PIK3C2G: variants seen among roughly 807,000 people sequenced by gnomAD.
PIK3C2G encodes phosphatidylinositol-4-phosphate 3-kinase catalytic subunit type 2 gamma, also known as phosphatidylinositol 3-kinase C2 domain-containing subunit gamma.
In PIK3C2G, 168 loss-of-function variants were observed where a neutral mutation model predicts 181.1. The ratio of observed to expected loss-of-function variants is 0.93; its 90% CI spans 0.82 to 1.05. The LOEUF is 1.05. Among genes scored for constraint, PIK3C2G ranks in the 50% least tolerant of loss-of-function variants. The pLI is 0.00. For missense variants in PIK3C2G, 1,869 were observed against 1,732.8 expected (o/e 1.08, Z -1.40); for synonymous variants, 573 against 592.2 (o/e 0.97, Z 0.47).
chr12:18,354,886 T>C (rs1042890408), intron 11 of PIK3C2G, among the ~76,000 whole-genome samples: 12 of 152,204 alleles, frequency 7.9e-5, no homozygotes, highest in African/African-American at 2.7e-4. Flanking sequence ...CCCCTTTCTC[T>C]TCTGTCTTCT....
chr12:18,325,088 T>A lies in PIK3C2G; in HGVS notation c.1262T>A (p.Leu421Ter), dbSNP rs1237824574. Residue 421 changes from leucine to a stop codon, truncating the protein, a stop_gained, in exon 8 of 33, where the codon TTG (leucine) becomes TAG (stop). Coordinates refer to ENST00000538779, the MANE Select transcript of PIK3C2G (RefSeq NM_001288772.2). LOFTEE classifies it high-confidence loss of function. ...RKYDFHLKYL[L>*]KTQENVYNII... The stretch of plus-strand genomic sequence containing the variant: ...TATGACTTCCACCTGAAATACCTAT[T>A]GAAAACCCAGGTATTGACTTTTGTT... 3.9e-6 allele frequency: 6 copies of A among 1,548,944 alleles called. No individual in the cohort carries two copies. Among genetic ancestry groups the A allele is most frequent in the Non-Finnish European group, 5.3e-6 (6 of 1,123,806 alleles).
intron 6 of PIK3C2G, among the ~76,000 whole-genome samples, chr12:18,314,875 G>A (rs1950794693): frequency 6.6e-6 from 1 of 152,094 alleles, no homozygotes; most frequent in Non-Finnish European, 1.5e-5. Context: ...CTTAAATTAG[G>A]ACAGATAAAC....
At chr12:18,297,877 C>T (rs1186721785) in intron 5 of PIK3C2G, among the ~76,000 whole-genome samples, 2 of 151,910 alleles carry the variant, frequency 1.3e-5, no homozygotes, top group Non-Finnish European at 2.9e-5. Context: ...AATAATTGAA[C>T]AGTATTCCAT....
intron 31 of PIK3C2G, among the ~76,000 whole-genome samples, chr12:18,639,097 C>T (rs932941695): frequency 6.6e-6 from 1 of 151,984 alleles, no homozygotes; most frequent in African/African-American, 2.4e-5. Flanking sequence ...ACCTTGAGCT[C>T]CAATAAAGTA....
At chr12:18,722,222 C>G in the PIK3C2G span, among the ~76,000 whole-genome samples, 1 of 134,050 alleles carries the variant, frequency 7.5e-6, no homozygotes, top group African/African-American at 2.7e-5. Flanking sequence ...CACCTTCTTG[C>G]TCTATGTTTC....
intron 8 of PIK3C2G, among the ~76,000 whole-genome samples, chr12:18,331,212 T>C (rs1937928654): frequency 6.6e-6 from 1 of 152,128 alleles, no homozygotes; most frequent in South Asian, 2.1e-4. Context: ...ATTTGGCTAT[T>C]CTAAGTACTT....
At chr12:18,635,185 C>T (rs73070280) in intron 31 of PIK3C2G, among the ~76,000 whole-genome samples, 5,532 of 152,290 alleles carry the variant, frequency 0.036, 103 homozygotes, top group Middle Eastern at 0.061. Flanking sequence ...CAGAACTATC[C>T]GTAAACCAGG....
At chr12:18,644,706 A>G (rs1374050776) in intron 32 of PIK3C2G, among the ~76,000 whole-genome samples, 1 of 152,154 alleles carries the variant, frequency 6.6e-6, no homozygotes, top group Non-Finnish European at 1.5e-5. Context: ...AGGTTACACA[A>G]CTAGATGTCA....
intron 18 of PIK3C2G, among the ~76,000 whole-genome samples, chr12:18,442,916 G>A (rs1946825562): frequency 6.6e-6 from 1 of 151,142 alleles, no homozygotes; most frequent in Non-Finnish European, 1.5e-5. Context: ...TTGTGGCCCA[G>A]GCTGGAGTGC....
chr12:18,375,739 C>T (rs1179309635), intron 13 of PIK3C2G, among the ~76,000 whole-genome samples: 1 of 152,204 alleles, frequency 6.6e-6, no homozygotes, highest in Non-Finnish European at 1.5e-5. Context: ...GACCTGAGGC[C>T]TAGGAGGAAA....
chr12:18,304,120 C>T (rs945641522), intron 5 of PIK3C2G, among the ~76,000 whole-genome samples: 8 of 151,994 alleles, frequency 5.3e-5, no homozygotes, highest in Non-Finnish European at 8.8e-5. Context: ...CTAGTAGAGA[C>T]GATGCATTCC....
chr12:18,252,266 T>C (rs141795799), intron 1 of PIK3C2G, among the ~76,000 whole-genome samples: 1 of 152,318 alleles, frequency 6.6e-6, no homozygotes, highest in East Asian at 1.9e-4. Flanking sequence ...TCTCTCACCC[T>C]GCTGTAATCA....
chr12:18,273,995 A>G (rs1700906450), intron 1 of PIK3C2G, among the ~76,000 whole-genome samples: 1 of 152,210 alleles, frequency 6.6e-6, no homozygotes, highest in African/African-American at 2.4e-5. Flanking sequence ...GGTGAAGGAT[A>G]TGAACAGACA....
chr12:18,420,885 C>A lies in PIK3C2G; in HGVS notation c.2316-56C>A, dbSNP rs1481130592. On this transcript the variant is annotated intron_variant, in intron 16 of 32. Transcript: ENST00000538779. The stretch of plus-strand genomic sequence containing the variant: ...TCATTCTCTGTTCTCCCTGACATGT[C>A]TTATGCATTATTCCTTACCATTAAC... 3.4e-6 allele frequency: 3 copies of A among 889,378 alleles called. No homozygotes were observed. The Admixed American group carries it at 5.3e-5, about 16-fold the overall frequency. The allele number at this position is 889,378 out of a possible 1,614,324, so 55.1% of individuals were successfully genotyped here. A position where few individuals can be genotyped will look rare whatever the true frequency, so the allele number is the denominator to read the frequency against.
At chr12:18,505,217 A>G (rs1395218947) in intron 23 of PIK3C2G, 75 bp from the exon 24 acceptor site, 2 of 1,256,158 alleles carry the variant, frequency 1.6e-6, no homozygotes, top group South Asian at 1.6e-5. Flanking sequence ...TTTACTTTTT[A>G]TGATTACCTC....
intron 1 of PIK3C2G, among the ~76,000 whole-genome samples, chr12:18,261,826 C>G (rs1005870163): frequency 2.0e-5 from 3 of 152,010 alleles, no homozygotes; most frequent in Non-Finnish European, 4.4e-5. Context: ...TCTTTCCCCC[C>G]TCCCTCTGCC....
At chr12:18,278,826 G>A (rs548610824) in intron 1 of PIK3C2G, among the ~76,000 whole-genome samples, 12 of 152,024 alleles carry the variant, frequency 7.9e-5, no homozygotes, top group Admixed American at 3.3e-4. Flanking sequence ...GAATATGATG[G>A]TAAAAAGACT....
intron 5 of PIK3C2G, among the ~76,000 whole-genome samples, chr12:18,294,799 T>C (rs1949861903): frequency 6.6e-6 from 1 of 151,894 alleles, no homozygotes; most frequent in Non-Finnish European, 1.5e-5. Flanking sequence ...ATATATCCCC[T>C]TTGCATCTCT....
the PIK3C2G span, among the ~76,000 whole-genome samples, chr12:18,660,229 G>A: frequency 0.14 from 20,824 of 152,014 alleles, 1,838 homozygotes; most frequent in African/African-American, 0.25. Flanking sequence ...ATTCTCCTGC[G>A]TATTTCTGGA....
Sources: allele counts gnomAD v4.1 joint callset (sites outside exome capture counted in the v4.1 genomes callset), GRCh38; gene constraint gnomAD v4.1.1; transcripts MANE v1.5; gene names NCBI Gene and HGNC (gene_info 2026-07-23, HGNC 2026-07-21).